CDH10: variants seen among roughly 807,000 people sequenced by gnomAD.
CDH10 encodes the protein cadherin-10.
In CDH10, 30 loss-of-function variants were observed where a neutral mutation model predicts 73.1. The observed-to-expected ratio is 0.41, with a 90% confidence interval of 0.31 to 0.56. The LOEUF (loss-of-function observed/expected upper bound fraction) is 0.56, where lower values mean the gene tolerates loss of function less well. Ranked by LOEUF, CDH10 falls within the 20% of genes least tolerant of loss-of-function variation. The probability of loss-of-function intolerance (pLI) is 0.27; values close to 1 mark genes in which losing one functional copy is unlikely to be tolerated. For synonymous variants in CDH10, 345 were observed against 348.2 expected (o/e 0.99, Z 0.10); for missense variants, 815 against 973.7 (o/e 0.84, Z 2.17).
At chr5:24,629,798 C>T (rs1341919512) in intron 1 of CDH10, among the ~76,000 whole-genome samples, 2 of 152,118 alleles carry the variant, frequency 1.3e-5, no homozygotes, top group Non-Finnish European at 2.9e-5. Context: ...GCCTCCCCAG[C>T]CATGCAGAAC....
chr5:24,581,226 T>A (rs144938884), intron 2 of CDH10, among the ~76,000 whole-genome samples: 1 of 151,650 alleles, frequency 6.6e-6, no homozygotes, highest in Non-Finnish European at 1.5e-5. Flanking sequence ...TACAGTTGAC[T>A]CCTTGCTTTC....
intron 9 of CDH10, among the ~76,000 whole-genome samples, chr5:24,496,836 A>T (rs1742306975): frequency 6.6e-6 from 1 of 152,170 alleles, no homozygotes; most frequent in African/African-American, 2.4e-5. Context: ...ATAACCTAGA[A>T]TCTCATCCCT....
intron 1 of CDH10, among the ~76,000 whole-genome samples, chr5:24,595,936 T>C (rs1746356218): frequency 6.6e-6 from 1 of 151,920 alleles, no homozygotes; most frequent in African/African-American, 2.4e-5. Context: ...TCATTTCCTT[T>C]GTTATTGTTC....
chr5:24,500,022 G>A (rs1344345415), intron 8 of CDH10, among the ~76,000 whole-genome samples: 2 of 152,166 alleles, frequency 1.3e-5, no homozygotes, highest in African/African-American at 4.8e-5. Context: ...TAGCAGAATA[G>A]CTAGGGGACA....
At chr5:24,564,543 C>A (rs146570867) in intron 2 of CDH10, among the ~76,000 whole-genome samples, 1 of 152,080 alleles carries the variant, frequency 6.6e-6, no homozygotes, top group African/African-American at 2.4e-5. Context: ...GGAGCTGAGA[C>A]CTCTGCCCCT....
At chr5:24,551,508 T>G (rs2111953043) in intron 2 of CDH10, among the ~76,000 whole-genome samples, 1 of 152,290 alleles carries the variant, frequency 6.6e-6, no homozygotes. Flanking sequence ...TGGTTACTCC[T>G]CTTTGTATCT....
intron 8 of CDH10, chr5:24,499,479 A>G (rs1266154220): frequency 1.3e-5 from 2 of 152,574 alleles, no homozygotes; most frequent in Non-Finnish European, 2.9e-5. Flanking sequence ...TGAGGTCAGG[A>G]GTTCGAGACC....
At chr5:24,634,111 G>C (rs1476302) in intron 1 of CDH10, among the ~76,000 whole-genome samples, 147,805 of 151,902 alleles carry the variant, frequency 0.97, 72,008 homozygotes, top group East Asian at 1. Context: ...AAAAACACAT[G>C]AAATGGTTGA....
chr5:24,504,506 C>CTTTTTTTTTTTTTTTTTTTTTTTTT (rs70965605), intron 8 of CDH10, among the ~76,000 whole-genome samples: 1 of 65,206 alleles, frequency 1.5e-5, no homozygotes, highest in Non-Finnish European at 2.9e-5. Flanking sequence ...TCCTATTAAT[C>CTTTTTTTTTTTTTTTTTTTTTTTTT]TTTTTTTTTT....
At chr5:24,611,824 C>CATGCTTTG (rs2112145867) in intron 1 of CDH10, 1 of 152,216 alleles carries the variant, frequency 6.6e-6, no homozygotes, top group East Asian at 1.9e-4. Context: ...TCTCAGCTTG[C>CATGCTTTG]ATGCTTTGAT....
At chr5:24,512,408 T>C (rs956323553) in intron 5 of CDH10, among the ~76,000 whole-genome samples, 2 of 152,242 alleles carry the variant, frequency 1.3e-5, no homozygotes, top group South Asian at 2.1e-4. Flanking sequence ...AATGTTTCTA[T>C]GTAGTTGTTT....
intron 8 of CDH10, chr5:24,499,538 A>C (rs1742413890): frequency 6.6e-6 from 1 of 152,020 alleles, no homozygotes; most frequent in Non-Finnish European, 1.5e-5. Flanking sequence ...AATACAAAAA[A>C]TAGCCAGGTG....
At chr5:24,507,100 T>C (rs1742724627) in intron 7 of CDH10, among the ~76,000 whole-genome samples, 1 of 152,172 alleles carries the variant, frequency 6.6e-6, no homozygotes, top group African/African-American at 2.4e-5. Context: ...ATCCCTTTGA[T>C]TACTGTATTA....
chr5:24,605,112 C>T (rs1746713897), intron 1 of CDH10, among the ~76,000 whole-genome samples: 1 of 152,100 alleles, frequency 6.6e-6, no homozygotes, highest in East Asian at 1.9e-4. Context: ...ACTTGCTCAA[C>T]ATCATTCATC....
chr5:24,550,399 T>G (rs1744502431), intron 2 of CDH10, among the ~76,000 whole-genome samples: 1 of 152,086 alleles, frequency 6.6e-6, no homozygotes. Context: ...AAATGATGTA[T>G]TCCACCACAA....
intron 2 of CDH10, among the ~76,000 whole-genome samples, chr5:24,549,677 G>A (rs551082409): frequency 4.0e-5 from 6 of 150,700 alleles, no homozygotes; most frequent in Non-Finnish European, 8.9e-5. Context: ...TCAGCCTCCC[G>A]AGTAGCTGGG....
intron 1 of CDH10, among the ~76,000 whole-genome samples, chr5:24,642,595 A>G (rs1262767031): frequency 6.6e-6 from 1 of 152,114 alleles, no homozygotes; most frequent in Non-Finnish European, 1.5e-5. Flanking sequence ...AGTGTGGGTA[A>G]AAATCTAACA....
At chr5:24,527,283 A>C (rs1743568505) in intron 5 of CDH10, among the ~76,000 whole-genome samples, 1 of 147,872 alleles carries the variant, frequency 6.8e-6, no homozygotes, top group Admixed American at 6.8e-5. Flanking sequence ...TTATATAAAT[A>C]TAGTCTTATA....
At chr5:24,552,403 A>C (rs1248987585) in intron 2 of CDH10, among the ~76,000 whole-genome samples, 1 of 151,918 alleles carries the variant, frequency 6.6e-6, no homozygotes, top group African/African-American at 2.4e-5. Flanking sequence ...ATAATAAATA[A>C]GTTTTCATTA....
Sources: allele counts gnomAD v4.1 joint callset (sites outside exome capture counted in the v4.1 genomes callset), GRCh38; gene constraint gnomAD v4.1.1; transcripts MANE v1.5; gene names NCBI Gene and HGNC (gene_info 2026-07-23, HGNC 2026-07-21).